LAMA1: variants seen among roughly 807,000 people sequenced by gnomAD.
LAMA1 encodes laminin subunit alpha 1.
Under a neutral mutation model 348.7 loss-of-function variants are expected in LAMA1, and 219 were observed. The observed-to-expected ratio is 0.63, with a 90% confidence interval of 0.56 to 0.70. The LOEUF (loss-of-function observed/expected upper bound fraction) is 0.70, where lower values mean the gene tolerates loss of function less well. Ranked by LOEUF, LAMA1 falls within the 30% of genes least tolerant of loss-of-function variation. LAMA1 has a pLI of 0.00. For missense variants in LAMA1, 3,744 were observed against 3,888.0 expected, an observed-to-expected ratio of 0.96 and a Z score of 0.99; for synonymous variants, 1,487 against 1,491.0, an observed-to-expected ratio of 1.00 and a Z score of 0.06.
chr18:7,104,708 T>A (rs2058305136), intron 1 of LAMA1, among the ~76,000 whole-genome samples: 1 of 152,232 alleles, frequency 6.6e-6, no homozygotes, highest in African/African-American at 2.4e-5. Flanking sequence ...AGGGATGGCA[T>A]GACACGGTCA....
intron 1 of LAMA1, among the ~76,000 whole-genome samples, chr18:7,099,229 CGGTGCAAGATGTGCTTTGTTAAACAGAT>C (rs1407135409): frequency 8.6e-5 from 13 of 150,488 alleles, no homozygotes; most frequent in Non-Finnish European, 1.8e-4. Context: ...GGATTAAGGG[CGGTGCAAGATGTGCTTTGTTAAACAGAT>C]GCTTGAAGGC....
chr18:6,947,125 T>TG (rs775831525), intron 61 of LAMA1, 38 bp downstream of exon 61: 3 of 1,613,568 alleles, frequency 1.9e-6, no homozygotes, highest in East Asian at 4.5e-5. Flanking sequence ...TCTCTGACAC[T>TG]GGGGGGAGGA....
intron 17 of LAMA1, among the ~76,000 whole-genome samples, chr18:7,025,249 T>G (rs2057937114): frequency 1.3e-5 from 2 of 152,026 alleles, no homozygotes. Context: ...CCTGCTGCAG[T>G]TCCTCAAATG....
At chr18:7,087,195 A>T (rs1452465864) in intron 1 of LAMA1, among the ~76,000 whole-genome samples, 1 of 152,268 alleles carries the variant, frequency 6.6e-6, no homozygotes, top group Non-Finnish European at 1.5e-5. Flanking sequence ...TAGCAGTAAC[A>T]AGTCCTGGTT....
chr18:7,023,188 C>A lies in LAMA1; in HGVS notation c.2677G>T (p.Ala893Ser), dbSNP rs377014414. 6.2e-6 allele frequency: 10 copies of A among 1,612,848 alleles called. No homozygotes were observed. Among genetic ancestry groups the A allele is most frequent in the African/African-American group, 1.3e-5 (1 of 74,876 alleles). Residue 893 changes from alanine to serine, a missense_variant, in exon 19 of 63, where the codon GCT becomes TCT. Ala to Ser is a moderately conservative substitution (Grantham distance 99). Coordinates refer to ENST00000389658, the MANE Select transcript of LAMA1 (RefSeq NM_005559.4). ...ERCADGFYGD[A>S]VTAKNCRACE... The stretch of plus-strand genomic sequence containing the variant: ...CCGCGGCAGTTCTTGGCTGTCACAG[C>A]GTCCCCATAGAACCCGTCAGCACAC...
At chr18:7,106,086 T>A (rs1034232954) in intron 1 of LAMA1, among the ~76,000 whole-genome samples, 1 of 152,172 alleles carries the variant, frequency 6.6e-6, no homozygotes, top group African/African-American at 2.4e-5. Flanking sequence ...TATCCCCACT[T>A]CACAGAGCTG....
chr18:7,111,722 A>G (rs2058336812), intron 1 of LAMA1, among the ~76,000 whole-genome samples: 1 of 152,236 alleles, frequency 6.6e-6, no homozygotes, highest in Non-Finnish European at 1.5e-5. Flanking sequence ...TAGAAATAAA[A>G]CAAGTAAAAG....
intron 1 of LAMA1, among the ~76,000 whole-genome samples, chr18:7,109,911 C>T (rs1055222966): frequency 1.1e-4 from 17 of 152,270 alleles, no homozygotes; most frequent in East Asian, 3.9e-4. Context: ...TGGCCGGGTG[C>T]GGTGGCTCAC....
chr18:7,010,289 C>G lies in LAMA1; in HGVS notation c.3784G>C (p.Gly1262Arg). 2 of 1,614,162 alleles carry G rather than the reference C, an allele frequency of 1.2e-6. No individual in the cohort carries two copies. Among genetic ancestry groups the G allele is most frequent in the Non-Finnish European group, 1.7e-6 (2 of 1,180,042 alleles). ...SNFEPQVLIK[G>R]GRIRKQVIYM... ...ATGACTTGCTTTCTGATCCGACCAC[C>G]TTTGATGAGAACTTGAGGCTCAAAA... The change falls in exon 26 of 63, where the codon GGT (glycine) becomes CGT (arginine). Residue 1262 changes from glycine (G) to arginine (R), a missense_variant. By Grantham distance (125) the Gly-to-Arg change is moderately radical. This residue lies in a region of LAMA1 where 1,529 missense variants were observed against 1,689.4 expected (regional missense o/e 0.91). Transcript: ENST00000389658.
At chr18:7,090,141 C>T (rs2058233959) in intron 1 of LAMA1, among the ~76,000 whole-genome samples, 1 of 152,110 alleles carries the variant, frequency 6.6e-6, no homozygotes, top group African/African-American at 2.4e-5. Context: ...ACAGGAGTCC[C>T]CTGCTTAAAG....
In LAMA1 at chr18:7,024,407, G is replaced by T. The variant is rs767024233; in HGVS notation, c.2462C>A (p.Pro821Gln). The T allele has an allele frequency of 5.0e-6, 8 of 1,613,966 alleles. 1 individual carries two copies. The highest frequency in any genetic ancestry group is 5.9e-6 in the Non-Finnish European group (7 of 1,179,960). ...CTCACACCAAGCTCCTGAGTAGCCC[G>T]GGGCACACCAGTCACAGACCACTTC... Reference protein sequence around the residue: ...GDEVVCDWCAPGYSGAWCERC... With the variant: ...GDEVVCDWCAQGYSGAWCERC... The change falls in exon 18 of 63, where the codon CCG (proline) becomes CAG (glutamine). Residue 821 changes from proline to glutamine, a missense_variant. By Grantham distance (76) the Pro-to-Gln change is moderately conservative. This residue lies in a region of LAMA1 where 1,529 missense variants were observed against 1,689.4 expected (regional missense o/e 0.91). Coordinates refer to ENST00000389658, the MANE Select transcript of LAMA1 (RefSeq NM_005559.4).
At chr18:6,961,142 T>G (rs552700353) in intron 53 of LAMA1, among the ~76,000 whole-genome samples, 1 of 152,348 alleles carries the variant, frequency 6.6e-6, no homozygotes, top group South Asian at 2.1e-4. Flanking sequence ...TAGTTTACTG[T>G]GCTTATCACA....
chr18:7,084,084 A>T (rs976031984), intron 1 of LAMA1, among the ~76,000 whole-genome samples: 3 of 150,840 alleles, frequency 2.0e-5, no homozygotes, highest in Non-Finnish European at 4.4e-5. Flanking sequence ...GAAAAAAAAA[A>T]AAAAAAAAAA....
intron 55 of LAMA1, 137 bp downstream of exon 55, chr18:6,958,340 A>G: frequency 1.2e-6 from 1 of 839,218 alleles, no homozygotes; most frequent in East Asian, 2.6e-5. Context: ...ACATGATAGA[A>G]CAATGGGGTT....
At chr18:7,076,775 T>C (rs1341002916) in intron 3 of LAMA1, 1 of 151,934 alleles carries the variant, frequency 6.6e-6, no homozygotes, top group Non-Finnish European at 1.5e-5. Context: ...GAGGCTGAAA[T>C]GGTATGGTAT....
intron 29 of LAMA1, among the ~76,000 whole-genome samples, chr18:7,003,907 TC>T (rs2144100629): frequency 6.6e-6 from 1 of 152,356 alleles, no homozygotes; most frequent in South Asian, 2.1e-4. Context: ...TTTACTGGGA[TC>T]TACCTGACCT....
rs375494782 is a variant in LAMA1, at chr18:7,040,312, G to C, written c.1262-76C>G. The C allele has an allele frequency of 6.8e-6, 10 of 1,472,000 alleles. No individual in the cohort carries two copies. The East Asian group carries it at 2.0e-4, about 30-fold the overall frequency. The allele number at this position is 1,472,000 out of a possible 1,614,324, so 91.2% of individuals were successfully genotyped here. A position where few individuals can be genotyped will look rare whatever the true frequency, so the allele number is the denominator to read the frequency against. On this transcript the variant is annotated intron_variant, in intron 9 of 62. Coordinates refer to ENST00000389658, the MANE Select transcript of LAMA1 (RefSeq NM_005559.4). ...AAGCAGGGGTTGGCAAATGTTTTCT[G>C]TAAAGGGTCAGAGGGTATCTATTTT...
At position 7,026,167 on chromosome 18, in the gene LAMA1, A is replaced by G. The variant is rs529653191; in HGVS notation, c.2275-61T>C. 1.9e-6 allele frequency: 3 copies of G among 1,580,710 alleles called. No individual in the cohort carries two copies. The South Asian group carries it at 3.4e-5, about 18-fold the overall frequency. The stretch of plus-strand genomic sequence containing the variant: ...TCTTAAAGGATTTTCAGATTTATCT[A>G]TAAGCAACTTGAAGTCCAAGCGGAA... On this transcript the variant is annotated intron_variant, in intron 16 of 62. Transcript: ENST00000389658.
chr18:6,946,904 C>T (rs2057524091), intron 61 of LAMA1, among the ~76,000 whole-genome samples: 1 of 151,848 alleles, frequency 6.6e-6, no homozygotes, highest in South Asian at 2.1e-4. Context: ...TCAGATGGTT[C>T]AGGAAAAAAA....
Sources: allele counts gnomAD v4.1 joint callset (sites outside exome capture counted in the v4.1 genomes callset), GRCh38; gene constraint gnomAD v4.1.1; regional missense constraint gnomAD v4.1.1; transcripts MANE v1.5; gene names NCBI Gene and HGNC (gene_info 2026-07-23, HGNC 2026-07-21).